Variants in ARHGEF38 observed in about 807,000 individuals in gnomAD.
ARHGEF38 encodes Rho guanine nucleotide exchange factor 38, also known as Rho guanine nucleotide exchange factor (GEF) 38.
A neutral mutation model predicts 79.9 loss-of-function variants in ARHGEF38; 79 were observed. That is an observed-to-expected ratio of 0.99 (90% CI 0.82 to 1.19). The LOEUF (loss-of-function observed/expected upper bound fraction) is 1.19. ARHGEF38 is among the 50% of genes most tolerant of loss of function. The probability of loss-of-function intolerance (pLI) is 0.00; values close to 1 mark genes in which losing one functional copy is unlikely to be tolerated. For synonymous variants in ARHGEF38, 366 were observed against 328.3 expected, an observed-to-expected ratio of 1.11 and a Z score of -1.24; for missense variants, 962 against 907.2, an observed-to-expected ratio of 1.06 and a Z score of -0.78.
chr4:105,648,455 T>C, intron 6 of ARHGEF38, 94 bp from the exon 7 acceptor site: 1 of 1,162,182 alleles, frequency 8.6e-7, no homozygotes, highest in Non-Finnish European at 1.2e-6. Context: ...CATATTTATC[T>C]TGAATATAAA....
Position 105,645,270 on chromosome 4 carries a change from G to A in ARHGEF38, c.757G>A (p.Glu253Lys), listed in dbSNP as rs1202582797. Residue 253 changes from glutamate (E) to lysine (K), a missense_variant, in exon 6 of 14, where the codon GAA becomes AAA. Glu to Lys is a moderately conservative substitution (Grantham distance 56, BLOSUM62 1). Coordinates refer to ENST00000420470, the MANE Select transcript of ARHGEF38 (RefSeq NM_001242729.2). ...RVMKYPLLLCELRNSTPPSHP... is the reference protein window; with the variant it reads ...RVMKYPLLLCKLRNSTPPSHP... ...GATGAAATACCCCCTATTACTGTGC[G>A]AACTTCGGAATTCCACCCCTCCCTC... is the stretch of plus-strand genomic sequence containing the variant. The A allele has an allele frequency of 7.8e-6, 12 of 1,536,466 alleles. No individual in the cohort carries two copies. Among genetic ancestry groups the A allele is most frequent in the Middle Eastern group, 1.7e-4 (1 of 6,016 alleles).
At position 105,659,091 on chromosome 4, in the gene ARHGEF38, C is replaced by G; in HGVS notation, c.1271C>G (p.Ser424Ter). ...HLQRLILTPL[S>*]ALLSLFPGPH... ...CAGAGACTCATCCTGACCCCCTTGT[C>G]AGCCCTGCTGTCCTTATTCCCAGGG... Residue 424 changes from serine (S) to a stop codon, truncating the protein, a stop_gained, in exon 10 of 14, where the codon TCA becomes TGA. Coordinates refer to ENST00000420470, the MANE Select transcript of ARHGEF38 (RefSeq NM_001242729.2). LOFTEE classifies it high-confidence loss of function. 1 of 1,536,096 alleles carries G rather than the reference C, an allele frequency of 6.5e-7. No individual in the cohort carries two copies. Among genetic ancestry groups the G allele is most frequent in the Non-Finnish European group, 8.7e-7 (1 of 1,146,842 alleles).
chr4:105,648,790 G>T, intron 7 of ARHGEF38, 108 bp downstream of exon 7: 5 of 1,108,184 alleles, frequency 4.5e-6, no homozygotes, highest in Non-Finnish European at 6.1e-6. Flanking sequence ...GAGAATCAAG[G>T]TAATTGCCCT....
intron 2 of ARHGEF38, among the ~76,000 whole-genome samples, chr4:105,599,471 G>A (rs976503905): frequency 6.6e-6 from 1 of 152,102 alleles, no homozygotes; most frequent in Admixed American, 6.6e-5. Context: ...CCCTCAGCCT[G>A]GGCAAGATGA....
intron 6 of ARHGEF38, among the ~76,000 whole-genome samples, chr4:105,647,298 C>G (rs1729885762): frequency 6.6e-6 from 1 of 152,054 alleles, no homozygotes; most frequent in African/African-American, 2.4e-5. Flanking sequence ...TCCTCTCCCT[C>G]TCTCCCTTTT....
At position 105,667,459 on chromosome 4, in the gene ARHGEF38, T is replaced by C; in HGVS notation, c.1904T>C (p.Val635Ala). 1 of 1,536,202 alleles carries C rather than the reference T, an allele frequency of 6.5e-7. No homozygotes were observed. Among genetic ancestry groups the C allele is most frequent in the Non-Finnish European group, 8.7e-7 (1 of 1,146,936 alleles). Residue 635 changes from valine (V) to alanine (A), a missense_variant, in exon 13 of 14, where the codon GTT becomes GCT. Transcript: ENST00000420470. ...LVDTGNVKGY[V>A]YSSFLKPYNP... ...TCCTATCCAGATGTGAAAGGATATG[T>C]TTATTCCTCCTTCCTAAAACCCTAC...
chr4:105,576,858 A>G (rs574656641), intron 1 of ARHGEF38, among the ~76,000 whole-genome samples: 2 of 152,258 alleles, frequency 1.3e-5, no homozygotes, highest in South Asian at 2.1e-4. Flanking sequence ...TTTTTTCTGC[A>G]TCTATTGAGA....
chr4:105,663,054 T>TA (rs1730620761), intron 10 of ARHGEF38, among the ~76,000 whole-genome samples: 1 of 152,164 alleles, frequency 6.6e-6, no homozygotes, highest in Non-Finnish European at 1.5e-5. Context: ...TTGTGATACT[T>TA]AGAGATTCAT....
chr4:105,654,789 A>G (rs946486022), intron 8 of ARHGEF38, among the ~76,000 whole-genome samples: 1 of 152,240 alleles, frequency 6.6e-6, no homozygotes, highest in Non-Finnish European at 1.5e-5. Flanking sequence ...AAGAGGAAAC[A>G]GTGTCCTTCA....
chr4:105,564,001 A>T (rs1450888354), intron 1 of ARHGEF38, among the ~76,000 whole-genome samples: 1 of 152,198 alleles, frequency 6.6e-6, no homozygotes, highest in East Asian at 1.9e-4. Flanking sequence ...CCTTGTCATC[A>T]CTAACTACAG....
At chr4:105,650,505 T>C (rs1280939610) in intron 7 of ARHGEF38, among the ~76,000 whole-genome samples, 1 of 152,170 alleles carries the variant, frequency 6.6e-6, no homozygotes, top group Non-Finnish European at 1.5e-5. Context: ...AGTCCTAAAC[T>C]CTTTACTCTG....
intron 7 of ARHGEF38, among the ~76,000 whole-genome samples, chr4:105,650,473 A>G (rs549269027): frequency 3.5e-4 from 53 of 152,300 alleles, no homozygotes; most frequent in African/African-American, 1.3e-3. Flanking sequence ...CCCAAAGCCC[A>G]TTGGAGTTAT....
At chr4:105,572,812 A>T (rs2189229) in intron 1 of ARHGEF38, among the ~76,000 whole-genome samples, 2 of 152,138 alleles carry the variant, frequency 1.3e-5, no homozygotes, top group Non-Finnish European at 2.9e-5. Flanking sequence ...GGTTGCTTCC[A>T]TGCTTTAGCT....
chr4:105,556,123 A>G lies in ARHGEF38; in HGVS notation c.196+3162A>G, dbSNP rs372369997. Among the ~76,000 whole-genome samples, 7 of 152,288 alleles carry G rather than the reference A, an allele frequency of 4.6e-5. No individual in the cohort carries two copies. In the East Asian group the frequency reaches 1.3e-3, roughly 29 times the overall value. On this transcript the variant is annotated intron_variant, in intron 1 of 13. Coordinates refer to ENST00000420470, the MANE Select transcript of ARHGEF38 (RefSeq NM_001242729.2). ...TTGACTAGCATTTATTGAATATGTTATACCTTGTTCTTTGAAATTAATTTT... is the reference window on the plus strand; with the variant it reads ...TTGACTAGCATTTATTGAATATGTTGTACCTTGTTCTTTGAAATTAATTTT...
intron 1 of ARHGEF38, among the ~76,000 whole-genome samples, chr4:105,554,621 G>C (rs1245945266): frequency 6.6e-6 from 1 of 152,052 alleles, no homozygotes; most frequent in Non-Finnish European, 1.5e-5. Context: ...TTCTAAACCT[G>C]GTTCTTCAAC....
intron 13 of ARHGEF38, among the ~76,000 whole-genome samples, chr4:105,669,697 G>A (rs1375555690): frequency 6.6e-6 from 1 of 151,812 alleles, no homozygotes; most frequent in Non-Finnish European, 1.5e-5. Flanking sequence ...AGTTGTACAA[G>A]TTTAGTATAT....
At chr4:105,657,600 T>A (rs112816956) in intron 9 of ARHGEF38, among the ~76,000 whole-genome samples, 1 of 152,064 alleles carries the variant, frequency 6.6e-6, no homozygotes. Context: ...TGGATATATA[T>A]ATATATATAA....
rs149861847 is a variant in ARHGEF38 at position 105,673,486 on chromosome 4, C to T, written c.2149-4266C>T. ...ATCCCACGTTCATAGTCTGGCCCTT[C>T]ATCTTTACATTTTCCAGCTACCTAT... On this transcript the variant is annotated intron_variant, in intron 13 of 13. Coordinates refer to ENST00000420470, the MANE Select transcript of ARHGEF38 (RefSeq NM_001242729.2). 4.0e-3 allele frequency among the ~76,000 whole-genome samples: 612 copies of T among 152,242 alleles called. 6 individuals carry two copies. Among genetic ancestry groups the T allele is most frequent in the African/African-American group, 0.014 (573 of 41,556 alleles).
Position 105,613,406 on chromosome 4 carries a change from G to A in ARHGEF38, c.407G>A (p.Ser136Asn), listed in dbSNP as rs775391818. ...CAGACTGATAGGCTGGATGTGGATAGCTTGTTTAGCAACATTGAGTCCGTG... is the reference window on the plus strand; with the variant it reads ...CAGACTGATAGGCTGGATGTGGATAACTTGTTTAGCAACATTGAGTCCGTG... ...NKKTDRLDVD[S>N]LFSNIESVHQ... The change falls in exon 3 of 14, where the codon AGC (serine) becomes AAC (asparagine). Residue 136 changes from serine to asparagine, a missense_variant. Ser to Asn is a conservative substitution (Grantham distance 46). Transcript: ENST00000420470. 26 of 1,613,228 alleles carry A rather than the reference G, an allele frequency of 1.6e-5. No individual in the cohort carries two copies. The South Asian group carries it at 2.6e-4, about 16-fold the overall frequency.
Sources: gnomAD v4.1 joint callset for allele counts (sites outside exome capture counted in the v4.1 genomes callset) on GRCh38, gnomAD v4.1.1 for gene constraint, MANE v1.5 for transcripts, NCBI Gene and HGNC (gene_info 2026-07-23, HGNC 2026-07-21) for gene names.